Variants in MED13L observed in about 807,000 individuals in gnomAD.
MED13L encodes the protein mediator complex subunit 13L, also known as mediator of RNA polymerase II transcription subunit 13-like.
In MED13L, 7 loss-of-function variants were observed where a neutral mutation model predicts 220.9. The observed-to-expected ratio is 0.03, with a 90% confidence interval of 0.02 to 0.06. The LOEUF (loss-of-function observed/expected upper bound fraction) is 0.06, where lower values mean the gene tolerates loss of function less well. Among genes scored for constraint, MED13L ranks in the 10% least tolerant of loss-of-function variants. The pLI is 1.00. For missense variants in MED13L, 1,965 were observed against 2,760.5 expected, an observed-to-expected ratio of 0.71 and a Z score of 6.46; for synonymous variants, 1,011 against 1,015.2, an observed-to-expected ratio of 1.00 and a Z score of 0.08.
intron 4 of MED13L, among the ~76,000 whole-genome samples, chr12:116,095,584 G>C (rs564037487): frequency 4.3e-4 from 66 of 152,190 alleles, no homozygotes; most frequent in Non-Finnish European, 8.4e-4. Flanking sequence ...GTTTCCAGCT[G>C]AAATTTTGCA....
intron 14 of MED13L, among the ~76,000 whole-genome samples, chr12:116,002,654 T>A (rs1350726264): frequency 6.6e-6 from 1 of 152,200 alleles, no homozygotes; most frequent in Non-Finnish European, 1.5e-5. Flanking sequence ...TTTTACACAG[T>A]CTTATAATAG....
At chr12:116,012,428 T>C (rs1332071732) in intron 9 of MED13L, among the ~76,000 whole-genome samples, 2 of 152,216 alleles carry the variant, frequency 1.3e-5, no homozygotes, top group African/African-American at 2.4e-5. Flanking sequence ...ACAGAAAGTC[T>C]CTTTAATCCA....
intron 1 of MED13L, among the ~76,000 whole-genome samples, chr12:116,258,424 A>G (rs1872229846): frequency 6.6e-6 from 1 of 152,234 alleles, no homozygotes; most frequent in Non-Finnish European, 1.5e-5. Context: ...GAGAACATGT[A>G]AAGGTCTGAC....
chr12:116,245,500 A>C lies in MED13L; in HGVS notation c.73-7795T>G, dbSNP rs80301285. On this transcript the variant is annotated intron_variant, in intron 1 of 30. Transcript: ENST00000281928. ...AAACCACTGAGGAATTACAGAAACA[A>C]AAACAAATGAAAAAGCAGCTAGAAG... Among the ~76,000 whole-genome samples, 1,120 of 152,344 alleles carry C rather than the reference A, an allele frequency of 7.4e-3. 20 individuals carry two copies. The highest frequency in any genetic ancestry group is 0.025 in the African/African-American group (1,054 of 41,578).
At chr12:115,962,845 T>A (rs1208807631) in intron 30 of MED13L, 1 of 168,698 alleles carries the variant, frequency 5.9e-6, no homozygotes, top group Admixed American at 5.5e-5. Context: ...CACGGTGAAA[T>A]CCCGTCTCTA....
At chr12:116,210,962 C>A (rs143529480) in intron 2 of MED13L, among the ~76,000 whole-genome samples, 1 of 152,076 alleles carries the variant, frequency 6.6e-6, no homozygotes, top group Non-Finnish European at 1.5e-5. Flanking sequence ...CAAAAAGGAA[C>A]AAAACTAGTT....
intron 4 of MED13L, among the ~76,000 whole-genome samples, chr12:116,089,692 A>G (rs1224300218): frequency 6.6e-6 from 1 of 152,228 alleles, no homozygotes; most frequent in East Asian, 1.9e-4. Context: ...CTCATTTTGT[A>G]AATAAATACA....
rs371783899 is a variant in MED13L, at chr12:116,236,809, T to C, written c.310+659A>G. ...AAATATATAAAGCAGCACAGAAAAATGAAACTCTTACATTAATTCAGTTTC... is the reference window on the plus strand; with the variant it reads ...AAATATATAAAGCAGCACAGAAAAACGAAACTCTTACATTAATTCAGTTTC... On this transcript the variant is annotated intron_variant, in intron 2 of 30. Transcript: ENST00000281928. 1.1e-5 allele frequency: 11 copies of C among 972,466 alleles called. No homozygotes were observed. In the African/African-American group the frequency reaches 1.9e-4, roughly 17 times the overall value. 60.2% of individuals were successfully genotyped at this position (972,466 alleles called of 1,614,324 possible).
chr12:116,131,703 C>A (rs1190242511), intron 2 of MED13L, among the ~76,000 whole-genome samples: 1 of 152,132 alleles, frequency 6.6e-6, no homozygotes, highest in African/African-American at 2.4e-5. Flanking sequence ...AATAGCAGTA[C>A]CAAGGCTGGG....
intron 26 of MED13L, among the ~76,000 whole-genome samples, 193 bp downstream of exon 26, chr12:115,971,885 G>T (rs1011601984): frequency 5.3e-5 from 8 of 152,110 alleles, no homozygotes; most frequent in Non-Finnish European, 8.8e-5. Flanking sequence ...CCGAGCTATG[G>T]TCAACAAACA....
Position 116,007,422 on chromosome 12 carries a change from T to G in MED13L, c.2227A>C (p.Lys743Gln). 1 of 1,612,398 alleles carries G rather than the reference T, an allele frequency of 6.2e-7. No homozygotes were observed. The highest frequency in any genetic ancestry group is 8.5e-7 in the Non-Finnish European group (1 of 1,178,474). Residue 743 changes from lysine (K) to glutamine (Q), a missense_variant, in exon 11 of 31, where the codon AAA (lysine) becomes CAA (glutamine). Lys to Gln is a moderately conservative substitution (Grantham distance 53). This residue lies in a region of MED13L where 818 missense variants were observed against 1,041.2 expected (regional missense o/e 0.79). Coordinates refer to ENST00000281928, the MANE Select transcript of MED13L (RefSeq NM_015335.5). ...CKQGTEKDSL[K>Q]KNKSEDGFGT... ...CTGTTAAATGGTACCTTATTCTTTT[T>G]CAGGGAATCTTTCTCCGTCCCTTGT...
rs7311903 is a variant in MED13L, at chr12:115,962,540, T to C, written c.6500+867A>G. On this transcript the variant is annotated intron_variant, in intron 30 of 30. Coordinates refer to ENST00000281928, the MANE Select transcript of MED13L (RefSeq NM_015335.5). The stretch of plus-strand genomic sequence containing the variant: ...AAATTTATGTTGATCAGGTTCTTTA[T>C]TTTTATCCATAACTATAATTATACA... 329 of 152,306 alleles carry C rather than the reference T, an allele frequency of 2.2e-3. 3 individuals are homozygous for C. The highest frequency in any genetic ancestry group is 7.5e-3 in the African/African-American group (311 of 41,564). The allele number at this position is 152,306 out of a possible 1,614,324, so 9.4% of individuals were successfully genotyped here.
intron 2 of MED13L, chr12:116,232,113 T>C (rs1189991939): frequency 1.0e-5 from 10 of 985,322 alleles, no homozygotes; most frequent in Non-Finnish European, 1.2e-5. Flanking sequence ...TTATGTCTAA[T>C]GTTTTTACAA....
At chr12:115,976,973 C>T (rs900185640) in intron 23 of MED13L, among the ~76,000 whole-genome samples, 2 of 152,028 alleles carry the variant, frequency 1.3e-5, no homozygotes, top group African/African-American at 4.8e-5. Context: ...CCAGCCTGGC[C>T]AACACAGTGA....
intron 20 of MED13L, 123 bp from the exon 21 acceptor site, chr12:115,983,663 AC>A: frequency 3.0e-6 from 3 of 1,002,826 alleles, no homozygotes; most frequent in Non-Finnish European, 4.6e-6. Context: ...TGATTACAAT[AC>A]CCAAAATACT....
chr12:116,193,389 T>C lies in MED13L; in HGVS notation c.310+44079A>G, dbSNP rs529895483. On this transcript the variant is annotated intron_variant, in intron 2 of 30. Transcript: ENST00000281928. ...ATATTTTTCAATGTAATAGAAGTACTATATTGTCCATGCTTTGTCTTAGGA... is the reference window on the plus strand; with the variant it reads ...ATATTTTTCAATGTAATAGAAGTACCATATTGTCCATGCTTTGTCTTAGGA... Among the ~76,000 whole-genome samples the C allele has an allele frequency of 3.9e-5, 6 of 152,348 alleles. No individual in the cohort carries two copies. The East Asian group carries it at 9.6e-4, about 24-fold the overall frequency.
intron 2 of MED13L, among the ~76,000 whole-genome samples, chr12:116,188,464 C>A (rs535596899): frequency 6.6e-6 from 1 of 152,046 alleles, no homozygotes; most frequent in Non-Finnish European, 1.5e-5. Flanking sequence ...GCAAATGAGT[C>A]CCTAGCTAGT....
intron 2 of MED13L, among the ~76,000 whole-genome samples, chr12:116,223,825 T>G (rs1181184807): frequency 2.6e-5 from 4 of 152,180 alleles, no homozygotes; most frequent in African/African-American, 7.2e-5. Flanking sequence ...TGGCCACATC[T>G]CTCCTTAAAA....
chr12:116,008,361 C>A, intron 10 of MED13L, 40 bp downstream of exon 10: 2 of 1,574,166 alleles, frequency 1.3e-6, no homozygotes, highest in South Asian at 2.4e-5. Context: ...AGCCCATGCC[C>A]TTCCGGTGGA....
Sources: allele counts gnomAD v4.1 joint callset (sites outside exome capture counted in the v4.1 genomes callset), GRCh38; gene constraint gnomAD v4.1.1; regional missense constraint gnomAD v4.1.1; transcripts MANE v1.5; gene names NCBI Gene and HGNC (gene_info 2026-07-23, HGNC 2026-07-21).